The following ILRUN variants were observed in gnomAD, a reference collection of about 807,000 sequenced individuals.
ILRUN encodes inflammation and lipid regulator with UBA-like and NBR1-like domains, also known as protein ILRUN.
Under a neutral mutation model 33.8 loss-of-function variants are expected in ILRUN, and 3 were observed. The observed-to-expected ratio is 0.09, with a 90% confidence interval of 0.04 to 0.23. The LOEUF (loss-of-function observed/expected upper bound fraction) is 0.23, where lower values mean the gene tolerates loss of function less well. Ranked by LOEUF, ILRUN falls within the 10% of genes least tolerant of loss-of-function variation. ILRUN has a pLI of 1.00. For missense variants in ILRUN, 210 were observed against 375.1 expected (o/e 0.56, Z 3.64); for synonymous variants, 124 against 138.9 (o/e 0.89, Z 0.75).
chr6:34,647,972 T>C (rs549839179), intron 2 of ILRUN, among the ~76,000 whole-genome samples: 1 of 152,340 alleles, frequency 6.6e-6, no homozygotes, highest in East Asian at 1.9e-4. Flanking sequence ...GTGCTGGGAT[T>C]ACAGGCATGA....
chr6:34,691,131 G>A (rs556439036), intron 1 of ILRUN, among the ~76,000 whole-genome samples: 17 of 151,936 alleles, frequency 1.1e-4, no homozygotes, highest in Admixed American at 9.8e-4. Context: ...CTCATGATCC[G>A]TCCGCCTCGG....
chr6:34,609,731 G>T (rs566086819), intron 3 of ILRUN, among the ~76,000 whole-genome samples: 2 of 152,204 alleles, frequency 1.3e-5, no homozygotes, highest in Non-Finnish European at 2.9e-5. Context: ...AGTAAGTGGA[G>T]ATGCAGTGAC....
At chr6:34,590,776 G>T (rs1222970315) in intron 4 of ILRUN, among the ~76,000 whole-genome samples, 176 bp from the exon 5 acceptor site, 1 of 152,178 alleles carries the variant, frequency 6.6e-6, no homozygotes, top group Non-Finnish European at 1.5e-5. Context: ...TACATTTCAA[G>T]TTGCTAAGTT....
Position 34,587,861 on chromosome 6 carries a change from G to T in ILRUN, c.*2704C>A, listed in dbSNP as rs943677445. 5.1e-6 allele frequency: 2 copies of T among 393,572 alleles called. No individual in the cohort carries two copies. Among genetic ancestry groups the T allele is most frequent in the Non-Finnish European group, 8.9e-6 (2 of 223,836 alleles). The allele number at this position is 393,572 out of a possible 1,614,324, so 24.4% of individuals were successfully genotyped here. ...ATTCTTCCCAAGTCTGAACCCCTCTGTCTCCCCAACTGGGTTCAGACCCTA... is the reference window on the plus strand; with the variant it reads ...ATTCTTCCCAAGTCTGAACCCCTCTTTCTCCCCAACTGGGTTCAGACCCTA... On this transcript the variant is annotated 3_prime_UTR_variant, in exon 5 of 5. Coordinates refer to ENST00000374023, the MANE Select transcript of ILRUN (RefSeq NM_024294.4).
At chr6:34,593,036 G>C (rs911773050) in intron 4 of ILRUN, among the ~76,000 whole-genome samples, 7 of 151,876 alleles carry the variant, frequency 4.6e-5, no homozygotes, top group African/African-American at 9.7e-5. Flanking sequence ...TTAATTAGTT[G>C]GACATGGCGA....
At chr6:34,694,111 C>G (rs909651011) in intron 1 of ILRUN, among the ~76,000 whole-genome samples, 3 of 152,134 alleles carry the variant, frequency 2.0e-5, no homozygotes, top group Non-Finnish European at 4.4e-5. Flanking sequence ...AGGCGTGCAG[C>G]CTTTTAAGTT....
chr6:34,680,066 T>C (rs1763327918), intron 1 of ILRUN, among the ~76,000 whole-genome samples: 1 of 152,260 alleles, frequency 6.6e-6, no homozygotes, highest in Non-Finnish European at 1.5e-5. Context: ...TAAGCAACAC[T>C]AGGAAACTTA....
chr6:34,659,020 C>T (rs887379570), intron 1 of ILRUN, among the ~76,000 whole-genome samples: 1 of 152,192 alleles, frequency 6.6e-6, no homozygotes, highest in Non-Finnish European at 1.5e-5. Flanking sequence ...ATTTAATGAA[C>T]GAGCATTTAC....
chr6:34,679,148 G>GAA (rs61550299), intron 1 of ILRUN, among the ~76,000 whole-genome samples: 19 of 136,570 alleles, frequency 1.4e-4, no homozygotes, highest in Admixed American at 2.2e-4. Context: ...AAATTGGGAG[G>GAA]AAAAAAAAAA....
chr6:34,647,088 T>C (rs1582075704), intron 2 of ILRUN, among the ~76,000 whole-genome samples: 1 of 152,090 alleles, frequency 6.6e-6, no homozygotes, highest in South Asian at 2.1e-4. Context: ...CACGTCACAC[T>C]GAATCTGTAG....
intron 3 of ILRUN, among the ~76,000 whole-genome samples, chr6:34,643,697 C>T (rs2143170): frequency 0.017 from 2,649 of 152,192 alleles, 83 homozygotes; most frequent in African/African-American, 0.056. Flanking sequence ...ATTTATATAT[C>T]TTATTTTTAT....
intron 1 of ILRUN, among the ~76,000 whole-genome samples, chr6:34,693,943 C>T (rs1364217110): frequency 6.6e-6 from 1 of 152,066 alleles, no homozygotes; most frequent in Non-Finnish European, 1.5e-5. Context: ...TTCAGCCTCC[C>T]AAGTAGCTGG....
chr6:34,590,669 A>G lies in ILRUN; in HGVS notation c.862-69T>C, dbSNP rs372392988. 37 of 1,125,636 alleles carry G rather than the reference A, an allele frequency of 3.3e-5. No individual in the cohort carries two copies. In the African/African-American group the frequency reaches 4.4e-4, roughly 13 times the overall value. The allele number at this position is 1,125,636 out of a possible 1,614,324, so 69.7% of individuals were successfully genotyped here. ...GCAACTTGACAACCAAACCAAGTGC[A>G]AGATCTATGGTTCCCAGTGAGTCAC... is the stretch of plus-strand genomic sequence containing the variant. On this transcript the variant is annotated intron_variant, in intron 4 of 4. Transcript: ENST00000374023.
intron 2 of ILRUN, among the ~76,000 whole-genome samples, chr6:34,650,739 T>C (rs2744957): frequency 0.45 from 67,680 of 151,852 alleles, 17,108 homozygotes; most frequent in African/African-American, 0.7. Flanking sequence ...GGTTGAGCTA[T>C]CTACCACGCC....
chr6:34,683,433 T>TATATAC (rs1763424300), intron 1 of ILRUN, among the ~76,000 whole-genome samples: 3 of 81,814 alleles, frequency 3.7e-5, no homozygotes, highest in East Asian at 3.2e-4. Flanking sequence ...TATATACATA[T>TATATAC]ATATATACAT....
At chr6:34,610,160 CAA>C (rs201174084) in intron 3 of ILRUN, among the ~76,000 whole-genome samples, 2 of 118,484 alleles carry the variant, frequency 1.7e-5, no homozygotes, top group African/African-American at 3.2e-5. Context: ...GACTCCGTCT[CAA>C]AAAAAAAAAG....
intron 1 of ILRUN, among the ~76,000 whole-genome samples, chr6:34,692,373 G>A (rs1451471557): frequency 1.3e-5 from 2 of 152,124 alleles, no homozygotes; most frequent in African/African-American, 4.8e-5. Flanking sequence ...CCCGAAGCAG[G>A]CACTTATGAA....
At chr6:34,667,348 T>C (rs911593126) in intron 1 of ILRUN, among the ~76,000 whole-genome samples, 3 of 152,248 alleles carry the variant, frequency 2.0e-5, no homozygotes, top group Non-Finnish European at 2.9e-5. Context: ...TTTGGCTTTA[T>C]TCACCATGAA....
At chr6:34,641,723 C>T (rs1762478953) in intron 3 of ILRUN, among the ~76,000 whole-genome samples, 1 of 152,082 alleles carries the variant, frequency 6.6e-6, no homozygotes, top group Non-Finnish European at 1.5e-5. Flanking sequence ...TGAGAAACAA[C>T]TTACAGACTA....
Sources: allele counts gnomAD v4.1 joint callset (sites outside exome capture counted in the v4.1 genomes callset), GRCh38; gene constraint gnomAD v4.1.1; transcripts MANE v1.5; gene names NCBI Gene and HGNC (gene_info 2026-07-23, HGNC 2026-07-21).